The following INVS variants were observed in gnomAD, a reference collection of about 807,000 sequenced individuals.
The protein encoded by INVS is inversion of embryo turning homolog.
INVS carries 86 observed loss-of-function variants against 108.8 expected under a neutral mutation model. The observed-to-expected ratio is 0.79, with a 90% CI of 0.66 to 0.95. The LOEUF is 0.95. Among genes scored for constraint, INVS ranks in the 40% least tolerant of loss-of-function variants. INVS has a pLI of 0.00. For missense variants in INVS, 1,169 were observed against 1,297.4 expected (o/e 0.90, Z 1.52); for synonymous variants, 455 against 473.5 (o/e 0.96, Z 0.51).
At chr9:100,118,846 A>C (rs1827635793) in intron 2 of INVS, among the ~76,000 whole-genome samples, 1 of 152,046 alleles carries the variant, frequency 6.6e-6, no homozygotes, top group African/African-American at 2.4e-5. Context: ...CTTTTAGTAG[A>C]GATGGGGTTT....
chr9:100,202,091 A>AG (rs1238510291), intron 3 of INVS, among the ~76,000 whole-genome samples: 1 of 111,090 alleles, frequency 9.0e-6, no homozygotes, highest in Non-Finnish European at 2.0e-5. Flanking sequence ...TTATTACAAT[A>AG]GTTTTTTTTT....
In INVS at chr9:100,240,193, C is replaced by G; in HGVS notation, c.749C>G (p.Ser250Cys). The change falls in exon 6 of 17, where the codon TCT becomes TGT. Residue 250 changes from serine (S) to cysteine (C), a missense_variant. This residue lies in a region of INVS where 365 missense variants were observed against 397.5 expected (regional missense o/e 0.92). Transcript: ENST00000262457. ...TCATATGAAAGCTGCAATATAACGT[C>G]TTATGATAACTTATTTCGAACCCCA... ...LTSYESCNITSYDNLFRTPLH... is the reference protein window; with the variant it reads ...LTSYESCNITCYDNLFRTPLH... 6.2e-7 allele frequency: 1 copy of G among 1,613,976 alleles called. No individual in the cohort carries two copies. Among genetic ancestry groups the G allele is most frequent in the Non-Finnish European group, 8.5e-7 (1 of 1,179,944 alleles).
intron 10 of INVS, among the ~76,000 whole-genome samples, chr9:100,256,910 A>G (rs1226472941): frequency 6.6e-6 from 1 of 152,214 alleles, no homozygotes; most frequent in Non-Finnish European, 1.5e-5. Context: ...AGAGTTCTGT[A>G]GATGTCTATT....
At chr9:100,208,966 A>G (rs781415675) in intron 3 of INVS, among the ~76,000 whole-genome samples, 5 of 152,128 alleles carry the variant, frequency 3.3e-5, no homozygotes, top group Non-Finnish European at 5.9e-5. Context: ...TTTTTTACCA[A>G]TGGGAAATCT....
chr9:100,133,489 A>G (rs1308986930), intron 3 of INVS, among the ~76,000 whole-genome samples: 2 of 152,092 alleles, frequency 1.3e-5, no homozygotes, highest in South Asian at 2.1e-4. Context: ...AAACTTCTTC[A>G]TGTTGAAACA....
intron 1 of INVS, among the ~76,000 whole-genome samples, chr9:100,099,688 A>T (rs1389525248): frequency 6.6e-6 from 1 of 152,198 alleles, no homozygotes; most frequent in African/African-American, 2.4e-5. Context: ...ATGGGATAGC[A>T]CGTCGTAAAC....
intron 3 of INVS, among the ~76,000 whole-genome samples, chr9:100,221,911 T>A (rs1831164869): frequency 6.6e-6 from 1 of 152,152 alleles, no homozygotes; most frequent in South Asian, 2.1e-4. Flanking sequence ...AAATTAAACT[T>A]TACCATAGAT....
intron 3 of INVS, among the ~76,000 whole-genome samples, chr9:100,191,580 T>C (rs2118160334): frequency 6.6e-6 from 1 of 152,322 alleles, no homozygotes; most frequent in East Asian, 1.9e-4. Context: ...ATCACTCATA[T>C]CCTGAATTAT....
chr9:100,207,329 T>C (rs1456204602), intron 3 of INVS, among the ~76,000 whole-genome samples: 1 of 152,170 alleles, frequency 6.6e-6, no homozygotes, highest in African/African-American at 2.4e-5. Context: ...AGTCTCACTC[T>C]GTCACCCAGG....
intron 12 of INVS, among the ~76,000 whole-genome samples, chr9:100,274,837 G>C (rs1833069056): frequency 6.6e-6 from 1 of 152,146 alleles, no homozygotes; most frequent in Non-Finnish European, 1.5e-5. Flanking sequence ...CTTCCTGGCT[G>C]TATCTCGAAT....
rs1827890162 is a variant in INVS, at chr9:100,126,545, A to G, written c.269A>G (p.Gln90Arg). ...AGAACAGCCCTCCATCTTGCAGCCC[A>G]GAAGGTGAGAAGTAAAATTTCCTTG... is the stretch of plus-strand genomic sequence containing the variant. ...SQRTALHLAA[Q>R]KGNYRFMKLL... Residue 90 changes from glutamine to arginine, a missense_variant, in exon 3 of 17, where the codon CAG becomes CGG. Around this residue, in one of 3 missense-constraint regions of INVS, gnomAD observed 365 missense variants for 397.5 expected, o/e 0.92. Coordinates refer to ENST00000262457, the MANE Select transcript of INVS (RefSeq NM_014425.5). 1.2e-6 allele frequency: 2 copies of G among 1,614,182 alleles called. No homozygotes were observed. Among genetic ancestry groups the G allele is most frequent in the Non-Finnish European group, 1.7e-6 (2 of 1,180,014 alleles).
chr9:100,183,530 C>T (rs931052432), intron 3 of INVS, among the ~76,000 whole-genome samples: 1 of 152,098 alleles, frequency 6.6e-6, no homozygotes, highest in Non-Finnish European at 1.5e-5. Flanking sequence ...CAGTGGCTTA[C>T]GCCTGTAATC....
chr9:100,296,974 A>G lies in INVS; in HGVS notation c.2844A>G (p.Gly948=). Residue 948 remains glycine (G), a synonymous_variant, in exon 15 of 17, where the codon GGA becomes GGG. Coordinates refer to ENST00000262457, the MANE Select transcript of INVS (RefSeq NM_014425.5). ...GGCATATGAAGCAGCTTGGAGCTGG[A>G]GATGTGGACAGATGGAGGCAAGAGT... The part of the protein sequence containing the change: ...HLRHMKQLGA[G]DVDRWRQEST... 2 of 1,614,076 alleles carry G rather than the reference A, an allele frequency of 1.2e-6. No individual in the cohort carries two copies. Among genetic ancestry groups the G allele is most frequent in the Non-Finnish European group, 8.5e-7 (1 of 1,180,002 alleles).
chr9:100,135,212 G>T (rs1045667405), intron 3 of INVS, among the ~76,000 whole-genome samples: 1 of 152,172 alleles, frequency 6.6e-6, no homozygotes, highest in Non-Finnish European at 1.5e-5. Context: ...GACATTATTT[G>T]TAGGGAAGGT....
chr9:100,292,839 G>A lies in INVS; in HGVS notation c.2582G>A (p.Arg861Lys), dbSNP rs760537423. The change falls in exon 14 of 17, where the codon AGG (arginine) becomes AAG (lysine). Residue 861 changes from arginine to lysine, a missense_variant. Physicochemically the swap from Arg to Lys is conservative, Grantham distance 26 (BLOSUM62 2). Around this residue, in one of 3 missense-constraint regions of INVS, gnomAD observed 533 missense variants for 536.0 expected, o/e 0.99. Transcript: ENST00000262457. ...STEELRSGAR[R>K]LETSTLSEDF... Reference sequence around the variant, plus strand: ...GAGGAGTTGAGGTCAGGAGCTAGGAGGCTGGAGACATCTACCCTGTCCGAG... The same window carrying A: ...GAGGAGTTGAGGTCAGGAGCTAGGAAGCTGGAGACATCTACCCTGTCCGAG... 5 of 1,614,046 alleles carry A rather than the reference G, an allele frequency of 3.1e-6. No individual in the cohort carries two copies. The African/African-American group carries it at 4.0e-5, about 13-fold the overall frequency.
chr9:100,185,853 A>C (rs1003087190), intron 3 of INVS, among the ~76,000 whole-genome samples: 1 of 151,932 alleles, frequency 6.6e-6, no homozygotes, highest in Non-Finnish European at 1.5e-5. Context: ...GGCCTCCTCC[A>C]TCCAAGTTGC....
intron 4 of INVS, among the ~76,000 whole-genome samples, chr9:100,226,880 A>T (rs541126466): frequency 6.6e-6 from 1 of 151,966 alleles, no homozygotes; most frequent in Non-Finnish European, 1.5e-5. Context: ...ACAGGGAGTC[A>T]TAATAGTTAC....
Position 100,100,918 on chromosome 9 carries a change from GTA to G in INVS, c.-25+1511_-25+1512del, listed in dbSNP as rs1491410554. On this transcript the variant is annotated intron_variant, in intron 1 of 16. Coordinates refer to ENST00000262457, the MANE Select transcript of INVS (RefSeq NM_014425.5). ...TATTATATATGTATATATATTATAT[GTA>G]TATATATAATATATATAATATATAT... Among the ~76,000 whole-genome samples, 38 of 13,142 alleles carry G rather than the reference GTA, an allele frequency of 2.9e-3. 2 individuals carry two copies. The highest frequency in any genetic ancestry group is 0.013 in the African/African-American group (18 of 1,376). The allele number at this position is 13,142 out of a possible 152,430, so 8.6% of individuals were successfully genotyped here.
intron 3 of INVS, among the ~76,000 whole-genome samples, chr9:100,220,137 T>TAA (rs200115709): frequency 6.6e-6 from 1 of 151,354 alleles, no homozygotes; most frequent in Non-Finnish European, 1.5e-5. Flanking sequence ...GCTTTTTTTT[T>TAA]AAAAAAAGGA....
Sources: allele counts gnomAD v4.1 joint callset (sites outside exome capture counted in the v4.1 genomes callset), GRCh38; gene constraint gnomAD v4.1.1; regional missense constraint gnomAD v4.1.1; transcripts MANE v1.5; gene names NCBI Gene and HGNC (gene_info 2026-07-23, HGNC 2026-07-21).